UGT2A2: variants seen among roughly 807,000 people sequenced by gnomAD.
UGT2A2 encodes the protein UDP glucuronosyltransferase family 2 member A2.
A neutral mutation model predicts 50.7 loss-of-function variants in UGT2A2; 60 were observed. The observed-to-expected ratio is 1.18, with a 90% CI of 0.96 to 1.47. The LOEUF is 1.47. Ranked by LOEUF, UGT2A2 falls within the 40% of genes most tolerant of loss-of-function variation. The probability of loss-of-function intolerance (pLI) is 0.00; values close to 1 mark genes in which losing one functional copy is unlikely to be tolerated. For missense variants in UGT2A2, 762 were observed against 634.0 expected (o/e 1.20, Z -2.17); for synonymous variants, 242 against 214.6 (o/e 1.13, Z -1.11).
chr4:69,619,717 C>T (rs562186264), intron 1 of UGT2A2, among the ~76,000 whole-genome samples: 1 of 151,970 alleles, frequency 6.6e-6, no homozygotes, highest in Admixed American at 6.6e-5. Context: ...AAAATTCAGG[C>T]CAACAACCTT....
At chr4:69,594,266 G>T (rs553340423) in intron 5 of UGT2A2, among the ~76,000 whole-genome samples, 52 of 152,118 alleles carry the variant, frequency 3.4e-4, no homozygotes, top group African/African-American at 1.3e-3. Flanking sequence ...GAGCCACTGC[G>T]CCCGGCCAAT....
chr4:69,608,053 A>G (rs371278479), intron 1 of UGT2A2, among the ~76,000 whole-genome samples: 1 of 152,340 alleles, frequency 6.6e-6, no homozygotes, highest in East Asian at 1.9e-4. Context: ...CATTTGATCC[A>G]GCCATCCCAT....
At chr4:69,613,780 C>T (rs769655643) in intron 1 of UGT2A2, among the ~76,000 whole-genome samples, 2 of 151,932 alleles carry the variant, frequency 1.3e-5, no homozygotes, top group African/African-American at 4.8e-5. Flanking sequence ...AACATCTCTT[C>T]ATGATTAAAA....
intron 1 of UGT2A2, among the ~76,000 whole-genome samples, chr4:69,601,642 G>A (rs1719301590): frequency 6.6e-6 from 1 of 152,066 alleles, no homozygotes. Context: ...TACTACCACA[G>A]CTGGCATTTG....
intron 1 of UGT2A2, among the ~76,000 whole-genome samples, chr4:69,602,095 CA>C (rs568981529): frequency 7.4e-6 from 1 of 135,444 alleles, no homozygotes; most frequent in Non-Finnish European, 1.6e-5. Flanking sequence ...AATATTTTAA[CA>C]AAAGATATGA....
At position 69,589,457 on chromosome 4, in the gene UGT2A2, G is replaced by A. The variant is rs1437927520; in HGVS notation, c.1526C>T (p.Thr509Ile). The A allele has an allele frequency of 1.2e-6, 2 of 1,613,994 alleles. No homozygotes were observed. The highest frequency in any genetic ancestry group is 1.1e-5 in the South Asian group (1 of 91,076). The change falls in exon 6 of 6, where the codon ACA (threonine) becomes ATA (isoleucine). Residue 509 changes from threonine (T) to isoleucine (I), a missense_variant. Thr to Ile is a moderately conservative substitution (Grantham distance 89). Coordinates refer to ENST00000604629, the MANE Select transcript of UGT2A2 (RefSeq NM_001105677.2). ...DVIGFLLVCV[T>I]TAIFLVIQCC... Reference sequence around the variant, plus strand: ...TTGTATGACCAAAAATATAGCCGTTGTCACACAGACCAGCAAGAACCCAAT... The same window carrying A: ...TTGTATGACCAAAAATATAGCCGTTATCACACAGACCAGCAAGAACCCAAT...
chr4:69,609,386 G>C (rs949391019), intron 1 of UGT2A2, among the ~76,000 whole-genome samples: 1 of 151,708 alleles, frequency 6.6e-6, no homozygotes, highest in Non-Finnish European at 1.5e-5. Context: ...GTGTTGTAGA[G>C]ATGATGTCTC....
intron 1 of UGT2A2, among the ~76,000 whole-genome samples, chr4:69,619,396 T>A (rs950069832): frequency 6.7e-6 from 1 of 150,060 alleles, no homozygotes; most frequent in Non-Finnish European, 1.5e-5. Context: ...CAAAATCTTG[T>A]CTTAATGCAT....
chr4:69,635,844 A>AAAAAAAAAC (rs1721665889), intron 1 of UGT2A2: 1 of 136,710 alleles, frequency 7.3e-6, no homozygotes, highest in African/African-American at 3.5e-5. Flanking sequence ...AAAAAAAAAA[A>AAAAAAAAAC]AAAAAAGAGA....
At chr4:69,598,985 C>T (rs1197805643) in intron 2 of UGT2A2, among the ~76,000 whole-genome samples, 2 of 152,082 alleles carry the variant, frequency 1.3e-5, no homozygotes, top group African/African-American at 2.4e-5. Flanking sequence ...TCTGTCCCAC[C>T]AAGTCCAGTA....
At chr4:69,591,930 C>G (rs1269288146) in intron 5 of UGT2A2, among the ~76,000 whole-genome samples, 2 of 152,112 alleles carry the variant, frequency 1.3e-5, no homozygotes, top group African/African-American at 4.8e-5. Context: ...CCACTTAGCT[C>G]ATGAATTATG....
chr4:69,612,688 G>A lies in UGT2A2; in HGVS notation c.743-13294C>T, dbSNP rs913786173. ...ACTGGCTAGCCATATGCAGAAGAAA[G>A]AAACCGGATTGTCACAATTTACCCT... On this transcript the variant is annotated intron_variant, in intron 1 of 5. Transcript: ENST00000604629. 7.9e-5 allele frequency among the ~76,000 whole-genome samples: 12 copies of A among 151,950 alleles called. No homozygotes were observed. The South Asian group carries it at 1.7e-3, about 21-fold the overall frequency.
Position 69,604,874 on chromosome 4 carries a change from T to A in UGT2A2, c.743-5480A>T, listed in dbSNP as rs1480085511. ...TCAATTCAACAAGAAGAGCTAGCTG[T>A]CCTAAATATATATGCACCCAATACA... On this transcript the variant is annotated intron_variant, in intron 1 of 5. Coordinates refer to ENST00000604629, the MANE Select transcript of UGT2A2 (RefSeq NM_001105677.2). Among the ~76,000 whole-genome samples the A allele has an allele frequency of 8.0e-5, 11 of 136,808 alleles. 1 individual carries two copies. The allele number at this position is 136,808 out of a possible 152,430, so 89.8% of individuals were successfully genotyped here.
intron 1 of UGT2A2, among the ~76,000 whole-genome samples, chr4:69,633,968 G>A (rs1195707150): frequency 6.6e-6 from 1 of 151,616 alleles, no homozygotes; most frequent in Non-Finnish European, 1.5e-5. Context: ...AAACCCGGCC[G>A]CGCGCGGTGG....
intron 1 of UGT2A2, among the ~76,000 whole-genome samples, chr4:69,613,895 C>T (rs575721894): frequency 6.6e-6 from 1 of 151,952 alleles, no homozygotes; most frequent in Non-Finnish European, 1.5e-5. Flanking sequence ...AAATTGAAAG[C>T]CTTTCTTCTA....
chr4:69,639,122 T>C lies in UGT2A2; in HGVS notation c.519A>G (p.Gly173=). The C allele has an allele frequency of 6.2e-7, 1 of 1,613,550 alleles. No individual in the cohort carries two copies. The highest frequency in any genetic ancestry group is 8.5e-7 in the Non-Finnish European group (1 of 1,179,720). Residue 173 remains glycine, a synonymous_variant, in exon 1 of 6, where the codon GGA becomes GGG. Coordinates refer to ENST00000604629, the MANE Select transcript of UGT2A2 (RefSeq NM_001105677.2). ...ICGDLVALKL[G]IPFMYTLRFS... ...ACCTCAATGTGTACATAAATGGAAT[T>C]CCTAATTTCAGAGCAACAAGATCAC... is the stretch of plus-strand genomic sequence containing the variant.
chr4:69,637,821 T>C (rs186774672), intron 1 of UGT2A2, among the ~76,000 whole-genome samples: 22 of 152,064 alleles, frequency 1.4e-4, no homozygotes, highest in Admixed American at 6.6e-4. Flanking sequence ...AGGAACTAGG[T>C]TGGCATTCAA....
intron 1 of UGT2A2, among the ~76,000 whole-genome samples, chr4:69,626,433 T>C (rs895883730): frequency 6.6e-6 from 1 of 151,596 alleles, no homozygotes; most frequent in Admixed American, 6.6e-5. Flanking sequence ...CACCTACTAT[T>C]TCTAGTTGTT....
rs552540271 is a variant in UGT2A2 at position 69,606,579 on chromosome 4, C to A, written c.743-7185G>T. ...TGTTGGAAGTTCTGGCCAGTGCAAT[C>A]AGGCAGGAGAAGGAAATAAAGGGTA... is the stretch of plus-strand genomic sequence containing the variant. On this transcript the variant is annotated intron_variant, in intron 1 of 5. Transcript: ENST00000604629. Among the ~76,000 whole-genome samples the A allele has an allele frequency of 4.4e-5, 6 of 136,278 alleles. 2 individuals are homozygous for A. The highest frequency in any genetic ancestry group is 1.8e-4 in the African/African-American group (6 of 33,594). The allele number at this position is 136,278 out of a possible 152,430, so 89.4% of individuals were successfully genotyped here. A position where few individuals can be genotyped will look rare whatever the true frequency, so the allele number is the denominator to read the frequency against.
Sources: allele counts gnomAD v4.1 joint callset (sites outside exome capture counted in the v4.1 genomes callset), GRCh38; gene constraint gnomAD v4.1.1; transcripts MANE v1.5; gene names NCBI Gene and HGNC (gene_info 2026-07-23, HGNC 2026-07-21).